The following HNRNPUL1 variants were observed in gnomAD, a reference collection of about 807,000 sequenced individuals.
HNRNPUL1 encodes heterogeneous nuclear ribonucleoprotein U like 1.
Under a neutral mutation model 108.5 loss-of-function variants are expected in HNRNPUL1, and 14 were observed. That is an observed-to-expected ratio of 0.13 (90% CI 0.09 to 0.20). The LOEUF (loss-of-function observed/expected upper bound fraction) is 0.20. Ranked by LOEUF, HNRNPUL1 falls within the 10% of genes least tolerant of loss-of-function variation. HNRNPUL1 has a pLI of 1.00. For missense variants in HNRNPUL1, 804 were observed against 1,168.3 expected, an observed-to-expected ratio of 0.69 and a Z score of 4.55; for synonymous variants, 422 against 445.2, an observed-to-expected ratio of 0.95 and a Z score of 0.66.
In HNRNPUL1 at chr19:41,304,070, G is replaced by C; in HGVS notation, c.2071G>C (p.Ala691Pro). ...NSNNRGSYNR[A>P]PQQQPPPQQP... is the part of the protein sequence containing the mutation. The stretch of plus-strand genomic sequence containing the variant: ...CAACAACAGAGGCAGCTACAACCGG[G>C]CTCCCCAGCAACAGCCGCCACCACA... Residue 691 changes from alanine (A) to proline (P), a missense_variant, in exon 13 of 15, where the codon GCT becomes CCT. Physicochemically the swap from Ala to Pro is conservative, Grantham distance 27. Transcript: ENST00000392006. 1 of 1,613,338 alleles carries C rather than the reference G, an allele frequency of 6.2e-7. No individual in the cohort carries two copies. The highest frequency in any genetic ancestry group is 8.5e-7 in the Non-Finnish European group (1 of 1,179,374).
At chr19:41,293,764 A>G (rs1180822479) in intron 8 of HNRNPUL1, among the ~76,000 whole-genome samples, 1 of 152,176 alleles carries the variant, frequency 6.6e-6, no homozygotes, top group Non-Finnish European at 1.5e-5. Flanking sequence ...TGGGAGGCCA[A>G]GAAGGGAGGA....
intron 7 of HNRNPUL1, among the ~76,000 whole-genome samples, chr19:41,288,876 A>T (rs2036414929): frequency 6.6e-6 from 1 of 151,890 alleles, no homozygotes; most frequent in African/African-American, 2.4e-5. Context: ...CTCCTGTGCA[A>T]TTTAGCCACT....
At chr19:41,282,314 C>G (rs2035943456) in intron 7 of HNRNPUL1, among the ~76,000 whole-genome samples, 1 of 152,034 alleles carries the variant, frequency 6.6e-6, no homozygotes, top group South Asian at 2.1e-4. Context: ...CCCTGAGTAG[C>G]TGGGATTGCA....
chr19:41,300,588 G>A, intron 10 of HNRNPUL1, among the ~76,000 whole-genome samples: 1 of 152,202 alleles, frequency 6.6e-6, no homozygotes, highest in East Asian at 1.9e-4. Context: ...CGTGATTCAA[G>A]TATACAGGCT....
At chr19:41,273,249 C>T (rs921606578) in intron 3 of HNRNPUL1, among the ~76,000 whole-genome samples, 3 of 152,170 alleles carry the variant, frequency 2.0e-5, no homozygotes, top group Admixed American at 2.0e-4. Context: ...CTGGCGAGGC[C>T]AGAGGGGCCC....
intron 10 of HNRNPUL1, among the ~76,000 whole-genome samples, chr19:41,297,429 G>A (rs1181827577): frequency 6.6e-6 from 1 of 152,210 alleles, no homozygotes; most frequent in African/African-American, 2.4e-5. Context: ...TGCCTGGCTA[G>A]TAAAAGGCTG....
chr19:41,272,221 C>T lies in HNRNPUL1; in HGVS notation c.558C>T (p.His186=), dbSNP rs773293263. ...EENRGRGYFE[H]REDRRGRSPQ... is the part of the protein sequence containing the mutation. ...ACCGGGGACGGGGGTACTTTGAGCA[C>T]CGAGAGGATAGGAGGTGGGTGTATG... Residue 186 remains histidine (H), a synonymous_variant, in exon 3 of 15, where the codon CAC becomes CAT. Coordinates refer to ENST00000392006, the MANE Select transcript of HNRNPUL1 (RefSeq NM_007040.6). 2.7e-5 allele frequency: 43 copies of T among 1,613,544 alleles called. No homozygotes were observed. The highest frequency in any genetic ancestry group is 3.4e-5 in the Non-Finnish European group (40 of 1,179,918).
intron 10 of HNRNPUL1, among the ~76,000 whole-genome samples, chr19:41,300,335 G>A (rs1297936627): frequency 7.3e-6 from 1 of 137,182 alleles, no homozygotes; most frequent in Admixed American, 7.1e-5. Flanking sequence ...TTTTTTTTTT[G>A]GTCCATTTGT....
chr19:41,265,680 G>C (rs1254640165), intron 1 of HNRNPUL1, among the ~76,000 whole-genome samples: 1 of 152,114 alleles, frequency 6.6e-6, no homozygotes, highest in Non-Finnish European at 1.5e-5. Context: ...TAACTCTTGA[G>C]GCTGCTGCTG....
chr19:41,276,384 A>C, intron 5 of HNRNPUL1, 86 bp downstream of exon 5: 1 of 1,430,956 alleles, frequency 7.0e-7, no homozygotes, highest in Non-Finnish European at 9.5e-7. Flanking sequence ...CAGAGCTGCA[A>C]CTGCAAAAGA....
In HNRNPUL1 at chr19:41,272,156, A is replaced by G. The variant is rs1397993241; in HGVS notation, c.493A>G (p.Arg165Gly). Residue 165 changes from arginine (R) to glycine (G), a missense_variant, in exon 3 of 15, where the codon AGG becomes GGG. Arg to Gly is a moderately radical substitution (Grantham distance 125). Around this residue, in one of 4 missense-constraint regions of HNRNPUL1, gnomAD observed 256 missense variants for 261.6 expected, o/e 0.98. Transcript: ENST00000392006. ...PPEASQLKPD[R>G]QQFQSRKRPY... is the part of the protein sequence containing the mutation. ...TGAAGCTTCTCAACTCAAGCCAGAC[A>G]GGCAGCAATTCCAGAGTCGAAAGAG... is the stretch of plus-strand genomic sequence containing the variant. The G allele has an allele frequency of 2.5e-6, 4 of 1,614,070 alleles. No homozygotes were observed. The highest frequency in any genetic ancestry group is 3.3e-5 in the Admixed American group (2 of 60,012).
At chr19:41,299,971 T>C (rs925610191) in intron 10 of HNRNPUL1, among the ~76,000 whole-genome samples, 1 of 152,090 alleles carries the variant, frequency 6.6e-6, no homozygotes, top group Non-Finnish European at 1.5e-5. Flanking sequence ...CGTGGACTCA[T>C]TCAGTCCTCA....
chr19:41,283,604 C>T (rs944188256), intron 7 of HNRNPUL1, among the ~76,000 whole-genome samples: 1 of 152,116 alleles, frequency 6.6e-6, no homozygotes, highest in African/African-American at 2.4e-5. Flanking sequence ...TACAGGTGCA[C>T]GCCACCATGC....
chr19:41,294,499 C>G lies in HNRNPUL1; in HGVS notation c.1389+39C>G, dbSNP rs749838914. 1.2e-5 allele frequency: 19 copies of G among 1,613,896 alleles called. No homozygotes were observed. Among genetic ancestry groups the G allele is most frequent in the Non-Finnish European group, 1.5e-5 (18 of 1,179,924 alleles). On this transcript the variant is annotated intron_variant, in intron 9 of 14. Coordinates refer to ENST00000392006, the MANE Select transcript of HNRNPUL1 (RefSeq NM_007040.6). This position sits in a 1 kb window ranked among gnomAD's most constrained non-coding sequence, Gnocchi z 4.3. ...CTGGACTCTCCTTACTCACCTCCAA[C>G]CTACTGAGTGCTGCCCTGCAACTAA...
chr19:41,300,887 G>A (rs1401758004), intron 10 of HNRNPUL1, among the ~76,000 whole-genome samples: 3 of 152,168 alleles, frequency 2.0e-5, no homozygotes, highest in Non-Finnish European at 4.4e-5. Flanking sequence ...AGGACTGAGG[G>A]AATAAAAGAA....
chr19:41,305,597 C>G, intron 13 of HNRNPUL1, 79 bp from the exon 14 acceptor site: 1 of 1,584,800 alleles, frequency 6.3e-7, no homozygotes, highest in Non-Finnish European at 8.7e-7. Context: ...TAAAAAGGCC[C>G]TTTTTCCATC....
chr19:41,264,954 C>T (rs2034720639), intron 1 of HNRNPUL1, 156 bp downstream of exon 1: 2 of 1,338,478 alleles, frequency 1.5e-6, no homozygotes, highest in South Asian at 2.0e-5. Flanking sequence ...ACCAGGGCCC[C>T]AGCACGACCG....
At chr19:41,278,890 C>T (rs931870153) in intron 5 of HNRNPUL1, among the ~76,000 whole-genome samples, 187 bp from the exon 6 acceptor site, 1 of 152,226 alleles carries the variant, frequency 6.6e-6, no homozygotes, top group Non-Finnish European at 1.5e-5. Context: ...CTGTACTCTA[C>T]TGATCCCTTT....
chr19:41,264,877 C>T (rs1247238776), intron 1 of HNRNPUL1, 79 bp downstream of exon 1: 7 of 1,342,678 alleles, frequency 5.2e-6, no homozygotes, highest in Non-Finnish European at 5.7e-6. Flanking sequence ...GAGTCCAGCG[C>T]CTGAGGTCGG....
Sources: gnomAD v4.1 joint callset for allele counts (sites outside exome capture counted in the v4.1 genomes callset) on GRCh38, gnomAD v4.1.1 for gene constraint, gnomAD v4.1.1 regional missense constraint, Gnocchi (gnomAD v3.1) non-coding constraint, MANE v1.5 for transcripts, NCBI Gene and HGNC (gene_info 2026-07-23, HGNC 2026-07-21) for gene names.